Variants in PFKFB2 observed in about 807,000 individuals in gnomAD.
PFKFB2 encodes 6-phosphofructo-2-kinase/fructose-2,6-bisphosphatase 2.
A neutral mutation model predicts 68.0 loss-of-function variants in PFKFB2; 53 were observed. The observed-to-expected ratio is 0.78, with a 90% CI of 0.63 to 0.98. PFKFB2 has a LOEUF of 0.98. Ranked by LOEUF, PFKFB2 falls within the 50% of genes least tolerant of loss-of-function variation. The pLI, the probability that PFKFB2 is intolerant of heterozygous loss-of-function variation, is 0.00. For missense variants in PFKFB2, 451 were observed against 642.0 expected, an observed-to-expected ratio of 0.70 and a Z score of 3.22; for synonymous variants, 222 against 227.6, an observed-to-expected ratio of 0.98 and a Z score of 0.22.
At chr1:207,060,921 G>A (rs928275425) in intron 2 of PFKFB2, 1 of 142,216 alleles carries the variant, frequency 7.0e-6, no homozygotes, top group Non-Finnish European at 1.5e-5. Flanking sequence ...CTGAGTAGCT[G>A]GGACTATAGG....
Position 207,063,916 on chromosome 1 carries a change from TTGTTGGG to T in PFKFB2, c.507+88_507+94del. On this transcript the variant is annotated intron_variant, in intron 7 of 14. Transcript: ENST00000367080. The surrounding 1 kb of genome is among the most constrained non-coding windows in gnomAD (Gnocchi z 4.1). Reference sequence around the variant, plus strand: ...GTGTGTGTGTGTGTGTGTGTGTGTGTTGTTGGGGAGGGGTGTTTTCGTAATGAAAGAG... The same window carrying T: ...GTGTGTGTGTGTGTGTGTGTGTGTGTGAGGGGTGTTTTCGTAATGAAAGAG... The T allele has an allele frequency of 1.0e-6, 1 of 967,610 alleles. No individual in the cohort carries two copies. Among genetic ancestry groups the T allele is most frequent in the South Asian group, 1.3e-5 (1 of 75,926 alleles). 59.9% of individuals were successfully genotyped at this position (967,610 alleles called of 1,614,324 possible).
chr1:207,062,641 G>A lies in PFKFB2; in HGVS notation c.233G>A (p.Arg78Gln). The stretch of plus-strand genomic sequence containing the variant: ...ACAGTGTTTAATCTTGGGGTGTATC[G>A]GCGTGAAGCAGTCAAGTCCTATAAG... ...PTKVFNLGVY[R>Q]REAVKSYKSY... The change falls in exon 4 of 15, where the codon CGG (arginine) becomes CAG (glutamine). Residue 78 changes from arginine (R) to glutamine (Q), a missense_variant. Arg to Gln is a conservative substitution (Grantham distance 43). Transcript: ENST00000367080. 2 of 1,614,018 alleles carry A rather than the reference G, an allele frequency of 1.2e-6. No homozygotes were observed. Among genetic ancestry groups the A allele is most frequent in the Non-Finnish European group, 1.7e-6 (2 of 1,179,942 alleles).
upstream of PFKFB2, among the ~76,000 whole-genome samples, chr1:207,050,486 C>G (rs1344701684): frequency 6.6e-6 from 1 of 152,196 alleles, no homozygotes; most frequent in Non-Finnish European, 1.5e-5. Context: ...GGTTCCCTTT[C>G]AACCCTGTGT....
In PFKFB2 at chr1:207,074,135, C is replaced by A; in HGVS notation, c.*1764C>A. 1.1e-6 allele frequency: 1 copy of A among 936,196 alleles called. No individual in the cohort carries two copies. 58.0% of individuals were successfully genotyped at this position (936,196 alleles called of 1,614,324 possible). A position where few individuals can be genotyped will look rare whatever the true frequency, so the allele number is the denominator to read the frequency against. On this transcript the variant is annotated 3_prime_UTR_variant, in exon 15 of 15. Coordinates refer to ENST00000367080, the MANE Select transcript of PFKFB2 (RefSeq NM_006212.2). ...ACATGCATGTATTTAAGTAGCTTCC[C>A]GGATGATTCTGATTCATAGCTCGGG...
In PFKFB2 at chr1:207,057,302, CAAAA is replaced by C. The variant is rs748726221; in HGVS notation, c.85+2523_85+2526del. On this transcript the variant is annotated intron_variant, in intron 2 of 14. Transcript: ENST00000367080. ...CTCTACTAAAAATACAAAAAAACTACAAAAAAAAAAAAAAAAAAAAAAAAAACTA... is the reference window on the plus strand; with the variant it reads ...CTCTACTAAAAATACAAAAAAACTACAAAAAAAAAAAAAAAAAAAAAACTA... 4.1e-3 allele frequency among the ~76,000 whole-genome samples: 166 copies of C among 40,406 alleles called. 1 individual carries two copies. The highest frequency in any genetic ancestry group is 0.011 in the African/African-American group (120 of 11,084). The allele number at this position is 40,406 out of a possible 152,430, so 26.5% of individuals were successfully genotyped here.
chr1:207,049,422 C>T (rs2102326570), upstream of PFKFB2: 1 of 1,614,136 alleles, frequency 6.2e-7, no homozygotes, highest in East Asian at 2.2e-5. Flanking sequence ...AAGTGTCATC[C>T]CTTTTGATCC....
Position 207,063,394 on chromosome 1 carries a change from G to A in PFKFB2, c.423G>A (p.Leu141=). 2.5e-6 allele frequency: 4 copies of A among 1,613,564 alleles called. No individual in the cohort carries two copies. Among genetic ancestry groups the A allele is most frequent in the Non-Finnish European group, 3.4e-6 (4 of 1,179,588 alleles). ...NTTRERRDMI[L]NFAEQNSFKV... ...CCCGGGAGAGGAGGGACATGATTTT[G>A]AACTTTGCTGAACAGAATTCCTTCA... Residue 141 remains leucine (L), a synonymous_variant, in exon 6 of 15, where the codon TTG becomes TTA. Transcript: ENST00000367080. This position sits in a 1 kb window ranked among gnomAD's most constrained non-coding sequence, Gnocchi z 4.1.
At position 207,071,513 on chromosome 1, in the gene PFKFB2, C is replaced by T; in HGVS notation, c.1290C>T (p.Cys430=). 3.1e-6 allele frequency: 5 copies of T among 1,612,896 alleles called. No individual in the cohort carries two copies. Among genetic ancestry groups the T allele is most frequent in the Non-Finnish European group, 4.2e-6 (5 of 1,178,928 alleles). Residue 430 remains cysteine (C), a synonymous_variant, in exon 14 of 15, where the codon TGC becomes TGT. Transcript: ENST00000367080. ...IFKLTPVAYG[C]KVETIKLNVE... is the part of the protein sequence containing the mutation. ...CTCTTTCCTCTGTTTTCTCAGGGTGCAAAGTGGAAACAATTAAACTTAACG... is the reference window on the plus strand; with the variant it reads ...CTCTTTCCTCTGTTTTCTCAGGGTGTAAAGTGGAAACAATTAAACTTAACG...
At chr1:207,071,446 A>G in intron 13 of PFKFB2, 63 bp from the exon 14 acceptor site, 1 of 1,377,438 alleles carries the variant, frequency 7.3e-7, no homozygotes, top group Non-Finnish European at 1.0e-6. Flanking sequence ...ATACTTTCCC[A>G]TAACTAAGGA....
intron 9 of PFKFB2, 64 bp downstream of exon 9, chr1:207,067,770 A>G (rs1683338592): frequency 7.7e-7 from 1 of 1,301,668 alleles, no homozygotes; most frequent in African/African-American, 1.5e-5. Context: ...GACTGAGGTC[A>G]TATATTTTAT....
chr1:207,061,834 A>G (rs941380987), intron 2 of PFKFB2, 119 bp from the exon 3 acceptor site: 67 of 841,128 alleles, frequency 8.0e-5, no homozygotes, highest in Admixed American at 3.8e-5. Context: ...ATGAGCTGAG[A>G]TCACGCCACT....
intron 8 of PFKFB2, chr1:207,065,381 C>T (rs1683254073): frequency 1.2e-6 from 1 of 863,490 alleles, no homozygotes; most frequent in Non-Finnish European, 1.4e-6. Flanking sequence ...GACAGGGTCT[C>T]ACTCTGTCAC....
chr1:207,080,884 T>C (rs1018430992), downstream of PFKFB2: 6 of 152,188 alleles, frequency 3.9e-5, no homozygotes, highest in African/African-American at 1.4e-4. Flanking sequence ...TTCTCATTGA[T>C]TTTTATTGTA....
At chr1:207,050,463 C>G (rs1360731565), upstream of PFKFB2, among the ~76,000 whole-genome samples, 1 of 152,174 alleles carries the variant, frequency 6.6e-6, no homozygotes, top group East Asian at 1.9e-4. Flanking sequence ...GGAAGGGGGT[C>G]TTCAAGGCTT....
At chr1:207,059,283 G>A (rs748562993) in intron 2 of PFKFB2, among the ~76,000 whole-genome samples, 7 of 152,122 alleles carry the variant, frequency 4.6e-5, no homozygotes, top group Non-Finnish European at 1.0e-4. Flanking sequence ...CTTTAGGGAG[G>A]GTAATAGGAC....
At chr1:207,035,678 A>C (rs779620786) in intron 1 of PFKFB2, among the ~76,000 whole-genome samples, 8 of 147,394 alleles carry the variant, frequency 5.4e-5, no homozygotes, top group Admixed American at 1.3e-4. Context: ...AACAAACAAA[A>C]AAAACAAAAA....
At chr1:207,062,479 T>C (rs1276699292) in intron 3 of PFKFB2, 141 bp from the exon 4 acceptor site, 2 of 1,321,124 alleles carry the variant, frequency 1.5e-6, no homozygotes, top group Non-Finnish European at 2.1e-6. Context: ...TTTTGACTCT[T>C]AATCTGATAT....
In PFKFB2 at chr1:207,071,529, A is replaced by C. The variant is rs769465082; in HGVS notation, c.1306A>C (p.Lys436Gln). 20 of 1,613,900 alleles carry C rather than the reference A, an allele frequency of 1.2e-5. No individual in the cohort carries two copies. The Admixed American group carries it at 3.3e-4, about 27-fold the overall frequency. The change falls in exon 14 of 15, where the codon AAA (lysine) becomes CAA (glutamine). Residue 436 changes from lysine to glutamine, a missense_variant. Transcript: ENST00000367080. ...CTCAGGGTGCAAAGTGGAAACAATT[A>C]AACTTAACGTGGAGGCTGTGAACAC... Reference protein sequence around the residue: ...VAYGCKVETIKLNVEAVNTHR... With the variant: ...VAYGCKVETIQLNVEAVNTHR...
intron 3 of PFKFB2, 76 bp downstream of exon 3, chr1:207,062,154 C>T: frequency 6.3e-7 from 1 of 1,595,344 alleles, no homozygotes; most frequent in Non-Finnish European, 8.6e-7. Context: ...ACTTATTCTT[C>T]CTGGCATCAA....
Sources: allele counts gnomAD v4.1 joint callset (sites outside exome capture counted in the v4.1 genomes callset), GRCh38; gene constraint gnomAD v4.1.1; non-coding constraint Gnocchi (gnomAD v3.1); transcripts MANE v1.5; gene names NCBI Gene and HGNC (gene_info 2026-07-23, HGNC 2026-07-21).